EEFSEC: variants seen among roughly 807,000 people sequenced by gnomAD.
EEFSEC encodes the protein eukaryotic elongation factor, selenocysteine-tRNA specific, also known as selenocysteine-specific elongation factor.
A neutral mutation model predicts 42.1 loss-of-function variants in EEFSEC; 43 were observed. That is an observed-to-expected ratio of 1.02 (90% CI 0.80 to 1.32). EEFSEC has a LOEUF of 1.32. Ranked by LOEUF, EEFSEC falls within the 40% of genes most tolerant of loss-of-function variation. The pLI is 0.00. For synonymous variants in EEFSEC, 354 were observed against 339.1 expected, an observed-to-expected ratio of 1.04 and a Z score of -0.48; for missense variants, 745 against 803.6, an observed-to-expected ratio of 0.93 and a Z score of 0.88.
At chr3:128,204,735 G>GTTAAGTGTGCTGA (rs1314947688) in intron 1 of EEFSEC, among the ~76,000 whole-genome samples, 1 of 152,072 alleles carries the variant, frequency 6.6e-6, no homozygotes, top group East Asian at 1.9e-4. Flanking sequence ...CCTTCCCCAG[G>GTTAAGTGTGCTGA]GCATGGTAAG....
At chr3:128,173,220 T>C (rs566444669) in intron 1 of EEFSEC, among the ~76,000 whole-genome samples, 90 of 152,330 alleles carry the variant, frequency 5.9e-4, no homozygotes, top group African/African-American at 1.9e-3. Flanking sequence ...GAACATAGTT[T>C]CTAAAAAAAT....
intron 4 of EEFSEC, among the ~76,000 whole-genome samples, chr3:128,291,248 T>C (rs2066641086): frequency 6.6e-6 from 1 of 152,248 alleles, no homozygotes; most frequent in Non-Finnish European, 1.5e-5. Flanking sequence ...TTGATTTATA[T>C]ATTTTGAGCA....
At chr3:128,286,619 T>C (rs1300839629) in intron 4 of EEFSEC, among the ~76,000 whole-genome samples, 1 of 152,242 alleles carries the variant, frequency 6.6e-6, no homozygotes, top group Non-Finnish European at 1.5e-5. Flanking sequence ...CTGAGCACTT[T>C]CTGGCACTAT....
At chr3:128,172,210 C>T (rs894473141) in intron 1 of EEFSEC, among the ~76,000 whole-genome samples, 5 of 152,148 alleles carry the variant, frequency 3.3e-5, no homozygotes, top group Non-Finnish European at 5.9e-5. Flanking sequence ...TTTGAGGTGC[C>T]TCCATAACTT....
At chr3:128,183,313 A>G (rs1048681225) in intron 1 of EEFSEC, among the ~76,000 whole-genome samples, 1 of 152,130 alleles carries the variant, frequency 6.6e-6, no homozygotes, top group African/African-American at 2.4e-5. Flanking sequence ...CTTATATGTG[A>G]CTTGAAATCT....
chr3:128,369,763 A>G (rs969190359), intron 6 of EEFSEC, among the ~76,000 whole-genome samples: 3 of 152,186 alleles, frequency 2.0e-5, no homozygotes, highest in African/African-American at 7.2e-5. Context: ...TGAAGAGTGG[A>G]AAGCTTATTG....
intron 1 of EEFSEC, among the ~76,000 whole-genome samples, chr3:128,156,747 A>C (rs1944387681): frequency 6.6e-6 from 1 of 152,160 alleles, no homozygotes; most frequent in South Asian, 2.1e-4. Context: ...AAACTTAATA[A>C]ATGTTGTGTG....
At chr3:128,247,509 T>G (rs2066140416) in intron 2 of EEFSEC, among the ~76,000 whole-genome samples, 1 of 152,212 alleles carries the variant, frequency 6.6e-6, no homozygotes, top group South Asian at 2.1e-4. Flanking sequence ...GAAGATCAAT[T>G]TTGGTAGATG....
intron 1 of EEFSEC, among the ~76,000 whole-genome samples, chr3:128,190,870 G>A (rs1415143054): frequency 6.6e-6 from 1 of 152,144 alleles, no homozygotes; most frequent in African/African-American, 2.4e-5. Flanking sequence ...GGTTACAATT[G>A]CCTGCAGTAT....
At chr3:128,289,646 G>A (rs570994166) in intron 4 of EEFSEC, among the ~76,000 whole-genome samples, 244 of 152,306 alleles carry the variant, frequency 1.6e-3, no homozygotes, top group African/African-American at 5.6e-3. Flanking sequence ...CACACAGTAT[G>A]GGTCAAACAA....
At chr3:128,418,188 C>T in the EEFSEC span, among the ~76,000 whole-genome samples, 3 of 152,118 alleles carry the variant, frequency 2.0e-5, no homozygotes, top group Non-Finnish European at 4.4e-5. Context: ...CCTGCTCCCT[C>T]AGCACCCCCT....
chr3:128,154,061 A>AG (rs1944317148), intron 1 of EEFSEC: 2 of 399,224 alleles, frequency 5.0e-6, no homozygotes, highest in Non-Finnish European at 8.7e-6. Flanking sequence ...CCTTCCTTAA[A>AG]AAAAAAAAAA....
chr3:128,344,493 G>C (rs1035928811), intron 5 of EEFSEC, among the ~76,000 whole-genome samples: 20 of 152,334 alleles, frequency 1.3e-4, no homozygotes, highest in African/African-American at 4.8e-4. Context: ...CCCAAAGGCA[G>C]CCAGACTGGA....
chr3:128,329,354 G>C (rs150339664), intron 4 of EEFSEC, among the ~76,000 whole-genome samples: 29 of 152,278 alleles, frequency 1.9e-4, no homozygotes, highest in Non-Finnish European at 4.0e-4. Flanking sequence ...TGAGTGTGAC[G>C]GACGTTCCTG....
rs115932506 is a variant in EEFSEC at position 128,317,485 on chromosome 3, G to A, written c.787-23748G>A. Among the ~76,000 whole-genome samples, 946 of 152,338 alleles carry A rather than the reference G, an allele frequency of 6.2e-3. 5 individuals are homozygous for A. Among genetic ancestry groups the A allele is most frequent in the Non-Finnish European group, 0.011 (733 of 68,036 alleles). ...GCACAAGGGCCCCTCTGGGGCTGGC[G>A]TCCTCTTCCTGTCATTACAGTTTGC... On this transcript the variant is annotated intron_variant, in intron 4 of 6. Coordinates refer to ENST00000254730, the MANE Select transcript of EEFSEC (RefSeq NM_021937.5). This position sits in a 1 kb window ranked among gnomAD's most constrained non-coding sequence, Gnocchi z 4.1.
At chr3:128,188,180 G>A (rs189384877) in intron 1 of EEFSEC, among the ~76,000 whole-genome samples, 38 of 152,144 alleles carry the variant, frequency 2.5e-4, no homozygotes, top group Admixed American at 3.9e-4. Context: ...AAGGAAGGAA[G>A]GCCGAAACCC....
intron 6 of EEFSEC, among the ~76,000 whole-genome samples, chr3:128,390,418 A>C (rs2067894253): frequency 6.6e-6 from 1 of 152,172 alleles, no homozygotes; most frequent in Admixed American, 6.5e-5. Flanking sequence ...TTGCCACTGT[A>C]TTTTGGGAGG....
chr3:128,370,342 G>A (rs927996349), intron 6 of EEFSEC, among the ~76,000 whole-genome samples: 1 of 152,198 alleles, frequency 6.6e-6, no homozygotes, highest in African/African-American at 2.4e-5. Context: ...CAGGCCCAGA[G>A]ATAGCTGTGT....
intron 4 of EEFSEC, among the ~76,000 whole-genome samples, chr3:128,293,660 CA>C (rs759485696): frequency 5.7e-4 from 8 of 14,142 alleles, no homozygotes; most frequent in South Asian, 7.2e-3. Flanking sequence ...GACTCTATCT[CA>C]AAAAAAAAAA....
Sources: gnomAD v4.1 joint callset for allele counts (sites outside exome capture counted in the v4.1 genomes callset) on GRCh38, gnomAD v4.1.1 for gene constraint, Gnocchi (gnomAD v3.1) non-coding constraint, MANE v1.5 for transcripts, NCBI Gene and HGNC (gene_info 2026-07-23, HGNC 2026-07-21) for gene names.